The following LTK variants were observed in gnomAD, a reference collection of about 807,000 sequenced individuals.
The protein encoded by LTK is leukocyte receptor tyrosine kinase, also known as leukocyte tyrosine kinase receptor.
A neutral mutation model predicts 101.5 loss-of-function variants in LTK; 117 were observed. The observed-to-expected ratio is 1.15, with a 90% CI of 0.99 to 1.34. LTK has a LOEUF of 1.34. LTK is among the 40% of genes most tolerant of loss of function. The pLI, the probability that LTK is intolerant of heterozygous loss-of-function variation, is 0.00. For synonymous variants in LTK, 563 were observed against 494.2 expected, an observed-to-expected ratio of 1.14 and a Z score of -1.85; for missense variants, 1,252 against 1,164.7, an observed-to-expected ratio of 1.07 and a Z score of -1.09.
In LTK at chr15:41,504,196, G is replaced by C. The variant is rs1192468574; in HGVS notation, c.2395C>G (p.Pro799Ala). The C allele has an allele frequency of 6.2e-7, 1 of 1,613,088 alleles. No individual in the cohort carries two copies. The highest frequency in any genetic ancestry group is 1.1e-5 in the South Asian group (1 of 91,040). ...AGCCCAGAAGTCCCTTCCTCCTCTG[G>C]GGTGGGCCCCAGCTCCATTGGCAGG... ...SLLPMELGPTPEEEGTSGLGN... is the reference protein window; with the variant it reads ...SLLPMELGPTAEEEGTSGLGN... The change falls in exon 20 of 20, where the codon CCA becomes GCA. Residue 799 changes from proline to alanine, a missense_variant. Physicochemically the swap from Pro to Ala is conservative, Grantham distance 27 (BLOSUM62 -1). Transcript: ENST00000263800.
chr15:41,511,291 C>A lies in LTK; in HGVS notation c.870G>T (p.Leu290=). Residue 290 remains leucine, a synonymous_variant, in exon 7 of 20, where the codon CTG becomes CTT. Transcript: ENST00000263800. The surrounding 1 kb of genome is among the most constrained non-coding windows in gnomAD (Gnocchi z 5.9). ...RAPSPQAGRS[L]QEGAEGGQGC... ...CCTGGCCGCCCTCCGCCCCCTCCTG[C>A]AGTGAGCGGCCGGCCTGCGGAGAGG... 7.2e-7 allele frequency: 1 copy of A among 1,396,320 alleles called. No homozygotes were observed. Among genetic ancestry groups the A allele is most frequent in the Non-Finnish European group, 9.2e-7 (1 of 1,082,046 alleles). 86.5% of individuals were successfully genotyped at this position (1,396,320 alleles called of 1,614,324 possible).
chr15:41,506,742 C>G (rs1164083739), intron 11 of LTK, among the ~76,000 whole-genome samples: 2 of 151,994 alleles, frequency 1.3e-5, no homozygotes, highest in African/African-American at 4.8e-5. Flanking sequence ...AGGCATGCGC[C>G]ACCATGCCCA....
chr15:41,508,086 T>TC lies in LTK; in HGVS notation c.1231dup (p.Asp411GlyfsTer2). The TC allele has an allele frequency of 6.2e-7, 1 of 1,608,422 alleles. No homozygotes were observed. Among genetic ancestry groups the TC allele is most frequent in the East Asian group, 2.2e-5 (1 of 44,752 alleles). On this transcript the variant is annotated frameshift_variant, in exon 9 of 20. Transcript: ENST00000263800. LOFTEE classifies it high-confidence loss of function. ...GGACATACCCATGCAGGTGACGTTATCCACAGCTAGCTCCATGCCTTCTGG... is the reference window on the plus strand; with the variant it reads ...GGACATACCCATGCAGGTGACGTTATCCCACAGCTAGCTCCATGCCTTCTGG...
chr15:41,513,677 G>T lies in LTK; in HGVS notation c.33C>A (p.Phe11Leu), dbSNP rs777405987. The T allele has an allele frequency of 6.2e-7, 1 of 1,613,344 alleles. No individual in the cohort carries two copies. Among genetic ancestry groups the T allele is most frequent in the Non-Finnish European group, 8.5e-7 (1 of 1,179,950 alleles). Residue 11 changes from phenylalanine to leucine, a missense_variant, in exon 1 of 20, where the codon TTC (phenylalanine) becomes TTA (leucine). By Grantham distance (22) the Phe-to-Leu change is conservative. Coordinates refer to ENST00000263800, the MANE Select transcript of LTK (RefSeq NM_002344.6). ...CCAGATAGCACTTACCCGCGGCTCC[G>T]AACCACACCAGCAGCTGTCCCCAGC... is the stretch of plus-strand genomic sequence containing the variant. MGCWGQLLVWFGAAGAILCSS... is the reference protein window; with the variant it reads MGCWGQLLVWLGAAGAILCSS...
chr15:41,504,289 GCCCT>G, intron 19 of LTK, 45 bp from the exon 20 acceptor site: 1 of 1,609,592 alleles, frequency 6.2e-7, no homozygotes, highest in Non-Finnish European at 8.5e-7. Context: ...GAGTTTTCTG[GCCCT>G]CCCTCCTGAC....
At chr15:41,507,511 C>T (rs978934566) in intron 10 of LTK, 51 bp downstream of exon 10, 4 of 1,598,074 alleles carry the variant, frequency 2.5e-6, no homozygotes, top group Non-Finnish European at 3.4e-6. Context: ...CATCCCAGCT[C>T]ACTGGAGAGG....
chr15:41,507,307 T>C lies in LTK; in HGVS notation c.1346-17A>G. ...TCTGCTTCACTGGGGGTGGGAAGAA[T>C]AACGGCACACCCTCCACCTGCCCAT... On this transcript the variant is annotated splice_polypyrimidine_tract_variant and intron_variant, in intron 10 of 19. Coordinates refer to ENST00000263800, the MANE Select transcript of LTK (RefSeq NM_002344.6). 1 of 1,581,530 alleles carries C rather than the reference T, an allele frequency of 6.3e-7. No individual in the cohort carries two copies. The highest frequency in any genetic ancestry group is 1.1e-5 in the South Asian group (1 of 87,988).
rs1048756034 is a variant in LTK, at chr15:41,505,681, C to T, written c.1697+32G>A. On this transcript the variant is annotated intron_variant, in intron 13 of 19. Coordinates refer to ENST00000263800, the MANE Select transcript of LTK (RefSeq NM_002344.6). ...ACTGTTCCCGGGCATTCCCCTCCCG[C>T]CTTCCAGCCCTGCCCCTGGTCCCAG... The T allele has an allele frequency of 4.3e-6, 7 of 1,612,770 alleles. No homozygotes were observed. In the Admixed American group the frequency reaches 5.0e-5, roughly 12 times the overall value.
In LTK at chr15:41,513,096, C is replaced by T. The variant is rs1473050206; in HGVS notation, c.68G>A (p.Gly23Glu). 11 of 1,607,660 alleles carry T rather than the reference C, an allele frequency of 6.8e-6. No individual in the cohort carries two copies. Among genetic ancestry groups the T allele is most frequent in the Non-Finnish European group, 9.3e-6 (11 of 1,177,632 alleles). The change falls in exon 2 of 20, where the codon GGG becomes GAG. Residue 23 changes from glycine to glutamate, a missense_variant. Coordinates refer to ENST00000263800, the MANE Select transcript of LTK (RefSeq NM_002344.6). ...AAGAILCSSP[G>E]SQETFLRSSP... ...GGACCGCAGAAAAGTCTCCTGGGAC[C>T]CCGGGCTAGAGCAGAGAATGGCGCC... is the stretch of plus-strand genomic sequence containing the variant.
In LTK at chr15:41,505,591, T is replaced by C. The variant is rs1255323730; in HGVS notation, c.1698-61A>G. On this transcript the variant is annotated intron_variant, in intron 13 of 19. Transcript: ENST00000263800. ...GGGAGACGGAAACCATGTTTTAGGC[T>C]CCACAAAGCTGGAGAGGCCCTCTGT... 5.6e-6 allele frequency: 9 copies of C among 1,609,878 alleles called. No individual in the cohort carries two copies. The East Asian group carries it at 6.7e-5, about 12-fold the overall frequency.
intron 10 of LTK, 38 bp from the exon 11 acceptor site, chr15:41,507,328 C>T (rs1170714456): frequency 1.3e-6 from 2 of 1,546,060 alleles, no homozygotes; most frequent in South Asian, 2.4e-5. Flanking sequence ...CCTCCACCTG[C>T]CCATCAACTC....
chr15:41,513,175 G>A (rs998577642), intron 1 of LTK, 55 bp from the exon 2 acceptor site: 2 of 1,513,348 alleles, frequency 1.3e-6, no homozygotes, highest in Non-Finnish European at 1.8e-6. Context: ...AATAGGATAT[G>A]AAAGAAAGAG....
intron 14 of LTK, 25 bp downstream of exon 14, chr15:41,505,376 G>A (rs995326976): frequency 1.3e-6 from 2 of 1,526,180 alleles, no homozygotes; most frequent in African/African-American, 1.8e-5. Context: ...AGAGGGGCCT[G>A]GGGGGGCTAA....
chr15:41,511,543 C>A lies in LTK; in HGVS notation c.693G>T (p.Ala231=). Residue 231 remains alanine (A), a synonymous_variant, in exon 6 of 20, where the codon GCG becomes GCT. Transcript: ENST00000263800. The surrounding 1 kb of genome is among the most constrained non-coding windows in gnomAD (Gnocchi z 5.9). ...GGTAGGCCCGACCGCCGCCTCCGGCCGCCACCAGCAACGGTTCCAGCTCGC... is the reference window on the plus strand; with the variant it reads ...GGTAGGCCCGACCGCCGCCTCCGGCAGCCACCAGCAACGGTTCCAGCTCGC... ...RAGELEPLLV[A]AGGGGRAYLR... 6.9e-7 allele frequency: 1 copy of A among 1,456,818 alleles called. No homozygotes were observed. The allele number at this position is 1,456,818 out of a possible 1,614,324, so 90.2% of individuals were successfully genotyped here. A position where few individuals can be genotyped will look rare whatever the true frequency, so the allele number is the denominator to read the frequency against.
At chr15:41,510,303 G>A (rs1054408428) in intron 7 of LTK, among the ~76,000 whole-genome samples, 1 of 152,068 alleles carries the variant, frequency 6.6e-6, no homozygotes, top group South Asian at 2.1e-4. Context: ...ACCGCGCCCC[G>A]CCTCTCTTAG....
rs756554872 is a variant in LTK, at chr15:41,509,109, C to T, written c.1018G>A (p.Asp340Asn). Reference sequence around the variant, plus strand: ...TCTTCCCCATCAGCCCAGAGGTTGTCAGTCTCTGAAGCGTCGCCCCCTGGA... The same window carrying T: ...TCTTCCCCATCAGCCCAGAGGTTGTTAGTCTCTGAAGCGTCGCCCCCTGGA... ...GYRGGDASET[D>N]NLWADGEDGV... The change falls in exon 8 of 20, where the codon GAC becomes AAC. Residue 340 changes from aspartate to asparagine, a missense_variant. By Grantham distance (23) the Asp-to-Asn change is conservative. Coordinates refer to ENST00000263800, the MANE Select transcript of LTK (RefSeq NM_002344.6). 6.2e-7 allele frequency: 1 copy of T among 1,613,642 alleles called. No individual in the cohort carries two copies. The highest frequency in any genetic ancestry group is 8.5e-7 in the Non-Finnish European group (1 of 1,179,620).
chr15:41,510,860 C>T (rs144081163), intron 7 of LTK, among the ~76,000 whole-genome samples: 3 of 152,298 alleles, frequency 2.0e-5, no homozygotes, highest in African/African-American at 7.2e-5. Flanking sequence ...CCTTTCTGCC[C>T]CTTTGCTCAG....
intron 17 of LTK, 37 bp downstream of exon 17, chr15:41,504,736 G>A (rs748604191): frequency 2.5e-5 from 40 of 1,603,092 alleles, no homozygotes; most frequent in Non-Finnish European, 3.1e-5. Flanking sequence ...TCAGGGGAGG[G>A]GAACAGTGGG....
Position 41,503,852 on chromosome 15 carries a change from C to G in LTK, c.*144G>C. Reference sequence around the variant, plus strand: ...TCCAGCATGGCAAGTGCAGCGCTGCCAGGCCAGCCCCGAGACAGGCCCAGA... The same window carrying G: ...TCCAGCATGGCAAGTGCAGCGCTGCGAGGCCAGCCCCGAGACAGGCCCAGA... On this transcript the variant is annotated 3_prime_UTR_variant, in exon 20 of 20. Transcript: ENST00000263800. 9.8e-7 allele frequency: 1 copy of G among 1,016,936 alleles called. No homozygotes were observed. Among genetic ancestry groups the G allele is most frequent in the Non-Finnish European group, 1.4e-6 (1 of 714,868 alleles). 63.0% of individuals were successfully genotyped at this position (1,016,936 alleles called of 1,614,324 possible). A position where few individuals can be genotyped will look rare whatever the true frequency, so the allele number is the denominator to read the frequency against.
Sources: gnomAD v4.1 joint callset for allele counts (sites outside exome capture counted in the v4.1 genomes callset) on GRCh38, gnomAD v4.1.1 for gene constraint, Gnocchi (gnomAD v3.1) non-coding constraint, MANE v1.5 for transcripts, NCBI Gene and HGNC (gene_info 2026-07-23, HGNC 2026-07-21) for gene names.